CD163L1: variants seen among roughly 807,000 people sequenced by gnomAD.
CD163L1 encodes CD163 molecule like 1, also known as scavenger receptor cysteine-rich type 1 protein M160.
A neutral mutation model predicts 165.4 loss-of-function variants in CD163L1; 124 were observed. The observed-to-expected ratio is 0.75, with a 90% CI of 0.65 to 0.87. The LOEUF (loss-of-function observed/expected upper bound fraction) is 0.87. CD163L1 is among the 40% of genes least tolerant of loss of function. The pLI, the probability that CD163L1 is intolerant of heterozygous loss-of-function variation, is 0.00. For missense variants in CD163L1, 1,525 were observed against 1,799.9 expected, an observed-to-expected ratio of 0.85 and a Z score of 2.76; for synonymous variants, 585 against 662.2, an observed-to-expected ratio of 0.88 and a Z score of 1.79.
intron 8 of CD163L1, among the ~76,000 whole-genome samples, chr12:7,395,834 A>G (rs1386898567): frequency 6.6e-6 from 1 of 152,204 alleles, no homozygotes; most frequent in Non-Finnish European, 1.5e-5. Context: ...GTCTTTTTGT[A>G]GAATTGTATT....
At position 7,400,179 on chromosome 12, in the gene CD163L1, T is replaced by A. The variant is rs1431339791; in HGVS notation, c.1409-1595A>T. On this transcript the variant is annotated intron_variant, in intron 6 of 19. Coordinates refer to ENST00000313599, the MANE Select transcript of CD163L1 (RefSeq NM_174941.6). This position sits in a 1 kb window ranked among gnomAD's most constrained non-coding sequence, Gnocchi z 4.1. ...AATTCTTGGTTACCTATGTTATGGT[T>A]AATTTTTCATTTTCACAAATTACAC... 6.6e-6 allele frequency among the ~76,000 whole-genome samples: 1 copy of A among 152,210 alleles called. No individual in the cohort carries two copies. Among genetic ancestry groups the A allele is most frequent in the Non-Finnish European group, 1.5e-5 (1 of 68,026 alleles).
In CD163L1 at chr12:7,396,880, G is replaced by A. The variant is rs908684660; in HGVS notation, c.1730-465C>T. On this transcript the variant is annotated intron_variant, in intron 7 of 19. Coordinates refer to ENST00000313599, the MANE Select transcript of CD163L1 (RefSeq NM_174941.6). ...ACAGAGAGAGAGAGAGAGAAGAGAG[G>A]CTCACGTTCTATTGGTTTTGTTTTC... 2.7e-5 allele frequency among the ~76,000 whole-genome samples: 4 copies of A among 147,038 alleles called. No homozygotes were observed. In the East Asian group the frequency reaches 8.0e-4, roughly 29 times the overall value.
chr12:7,360,068 C>T (rs1946860125), intron 18 of CD163L1, among the ~76,000 whole-genome samples: 1 of 152,034 alleles, frequency 6.6e-6, no homozygotes, highest in Non-Finnish European at 1.5e-5. Flanking sequence ...AAGTTTTCAG[C>T]CAATATTTCT....
downstream of CD163L1, among the ~76,000 whole-genome samples, chr12:7,351,977 T>A (rs979187156): frequency 2.0e-5 from 3 of 152,120 alleles, no homozygotes; most frequent in Non-Finnish European, 4.4e-5. Flanking sequence ...TTAATTTATA[T>A]TGAATAAAGG....
chr12:7,329,967 T>C, the CD163L1 span, among the ~76,000 whole-genome samples: 1 of 152,212 alleles, frequency 6.6e-6, no homozygotes, highest in Non-Finnish European at 1.5e-5. Flanking sequence ...TGTAGGCATA[T>C]GGCTAATTTT....
intron 4 of CD163L1, among the ~76,000 whole-genome samples, chr12:7,423,660 C>G (rs1006417699): frequency 6.6e-6 from 1 of 152,148 alleles, no homozygotes; most frequent in East Asian, 1.9e-4. Context: ...ACCACTGATC[C>G]CACAGAAATA....
chr12:7,327,407 AC>A, the CD163L1 span, among the ~76,000 whole-genome samples: 2 of 152,164 alleles, frequency 1.3e-5, no homozygotes, highest in Non-Finnish European at 2.9e-5. Flanking sequence ...GTTTTTAGGG[AC>A]AGTGCTTGAT....
In CD163L1 at chr12:7,439,820, C is replaced by T. The variant is rs754927402; in HGVS notation, c.124+1334G>A. 8.1e-5 allele frequency: 130 copies of T among 1,613,680 alleles called. No homozygotes were observed. The Admixed American group carries it at 1.2e-3, about 15-fold the overall frequency. On this transcript the variant is annotated intron_variant, in intron 2 of 19. Transcript: ENST00000313599. The stretch of plus-strand genomic sequence containing the variant: ...AGGATCTTCTCCACCTCGAACACAT[C>T]CTCTCCGTCCTCCTCACTGTCGCCA...
Position 7,391,959 on chromosome 12 carries a change from C to T in CD163L1, c.2050+4136G>A, listed in dbSNP as rs149001460. Among the ~76,000 whole-genome samples the T allele has an allele frequency of 2.5e-3, 374 of 151,978 alleles. 1 individual carries two copies. Among genetic ancestry groups the T allele is most frequent in the Non-Finnish European group, 4.5e-3 (303 of 68,000 alleles). ...GAGACCTACAAAGAGACTTACACTC[C>T]CACACAATATTAATGGGAGACTTTA... On this transcript the variant is annotated intron_variant, in intron 8 of 19. Coordinates refer to ENST00000313599, the MANE Select transcript of CD163L1 (RefSeq NM_174941.6).
chr12:7,410,000 CAAAAT>C (rs1340199834), intron 4 of CD163L1, among the ~76,000 whole-genome samples: 1 of 151,292 alleles, frequency 6.6e-6, no homozygotes, highest in African/African-American at 2.4e-5. Context: ...ATATGTACGA[CAAAAT>C]AAAAGGCAAG....
chr12:7,342,534 C>T (rs956152639), downstream of CD163L1, among the ~76,000 whole-genome samples: 2 of 152,316 alleles, frequency 1.3e-5, no homozygotes, highest in East Asian at 1.9e-4. Flanking sequence ...CCACTCCACA[C>T]CTCTATATTT....
chr12:7,368,020 TC>T lies in CD163L1; in HGVS notation c.4183+66del, dbSNP rs750257640. ...GTGCATTTCTTCCATTCTGCAAGAA[TC>T]CCCCATCCTGTGTGCCCTTGGTGGC... On this transcript the variant is annotated intron_variant, in intron 17 of 19. Transcript: ENST00000313599. The surrounding 1 kb of genome is among the most constrained non-coding windows in gnomAD (Gnocchi z 4.3). 3.4e-6 allele frequency: 3 copies of T among 893,048 alleles called. No homozygotes were observed. Among genetic ancestry groups the T allele is most frequent in the Non-Finnish European group, 5.6e-6 (3 of 537,690 alleles). The allele number at this position is 893,048 out of a possible 1,614,324, so 55.3% of individuals were successfully genotyped here.
chr12:7,328,295 T>G, the CD163L1 span: 2 of 1,585,008 alleles, frequency 1.3e-6, no homozygotes, highest in Middle Eastern at 3.3e-4. Context: ...AGGTGGAATT[T>G]GTTCAAGAAC....
At chr12:7,387,294 T>C (rs746620609) in intron 8 of CD163L1, among the ~76,000 whole-genome samples, 1 of 152,168 alleles carries the variant, frequency 6.6e-6, no homozygotes, top group African/African-American at 2.4e-5. Context: ...ACTTCTATGA[T>C]GAAAATTACA....
At chr12:7,412,336 G>GA (rs1433192076) in intron 4 of CD163L1, among the ~76,000 whole-genome samples, 1 of 152,124 alleles carries the variant, frequency 6.6e-6, no homozygotes. Context: ...TGGGTTTGAA[G>GA]ATGTATCTGT....
Position 7,379,168 on chromosome 12 carries a change from A to G in CD163L1, c.2181T>C (p.Val727=), listed in dbSNP as rs1232171022. 2 of 1,614,052 alleles carry G rather than the reference A, an allele frequency of 1.2e-6. No homozygotes were observed. The highest frequency in any genetic ancestry group is 2.7e-5 in the African/African-American group (2 of 74,910). The change falls in exon 9 of 20, where the codon GTT becomes GTC. Residue 727 remains valine, a synonymous_variant. Coordinates refer to ENST00000313599, the MANE Select transcript of CD163L1 (RefSeq NM_174941.6). ...CAGACCCACATTCAAGTTGCCTGCA[A>G]ACAACTTCAGCAATGTTCATTCCCC... is the stretch of plus-strand genomic sequence containing the variant. The part of the protein sequence containing the change: ...NGWGMNIAEV[V]CRQLECGSAI...
At chr12:7,386,556 T>C (rs1240145519) in intron 8 of CD163L1, among the ~76,000 whole-genome samples, 1 of 118,754 alleles carries the variant, frequency 8.4e-6, no homozygotes, top group Non-Finnish European at 1.7e-5. Context: ...TGAACATAGA[T>C]ATAAAAACCC....
intron 2 of CD163L1, among the ~76,000 whole-genome samples, chr12:7,437,543 A>T (rs1316769363): frequency 1.3e-5 from 2 of 151,228 alleles, no homozygotes; most frequent in Admixed American, 6.6e-5. Flanking sequence ...TGTCCAAGTG[A>T]TCTCATTGTT....
intron 6 of CD163L1, among the ~76,000 whole-genome samples, chr12:7,401,564 C>T (rs1002266275): frequency 3.3e-5 from 5 of 151,936 alleles, no homozygotes; most frequent in Non-Finnish European, 5.9e-5. Context: ...ATATTTTTAA[C>T]AGCAAAAATT....
Sources: allele counts gnomAD v4.1 joint callset (sites outside exome capture counted in the v4.1 genomes callset), GRCh38; gene constraint gnomAD v4.1.1; non-coding constraint Gnocchi (gnomAD v3.1); transcripts MANE v1.5; gene names NCBI Gene and HGNC (gene_info 2026-07-23, HGNC 2026-07-21).